Variants in STK11 observed in about 807,000 individuals in gnomAD.
The protein encoded by STK11 is serine/threonine kinase 11, also known as serine/threonine-protein kinase STK11.
STK11 carries 8 observed loss-of-function variants against 47.3 expected under a neutral mutation model. The observed-to-expected ratio is 0.17, with a 90% CI of 0.10 to 0.31. The LOEUF is 0.31. Among genes scored for constraint, STK11 ranks in the 10% least tolerant of loss-of-function variants. STK11 has a pLI of 1.00. For synonymous variants in STK11, 330 were observed against 255.8 expected (o/e 1.29, Z -2.77); for missense variants, 475 against 605.0 (o/e 0.79, Z 2.25).
At position 1,206,833 on chromosome 19, in the gene STK11, A is replaced by G. The variant is rs886054214; in HGVS notation, c.-81A>G. The G allele has an allele frequency of 4.8e-5, 69 of 1,423,820 alleles. No individual in the cohort carries two copies. The highest frequency in any genetic ancestry group is 5.9e-5 in the Non-Finnish European group (64 of 1,078,216). The allele number at this position is 1,423,820 out of a possible 1,614,324, so 88.2% of individuals were successfully genotyped here. A position where few individuals can be genotyped will look rare whatever the true frequency, so the allele number is the denominator to read the frequency against. Reference sequence around the variant, plus strand: ...CTTTTTTCTTTGTAAAATTTTGGAGAAGGGAAGTCGGAACACAAGGAAGGA... The same window carrying G: ...CTTTTTTCTTTGTAAAATTTTGGAGGAGGGAAGTCGGAACACAAGGAAGGA... On this transcript the variant is annotated 5_prime_UTR_variant, in exon 1 of 10. Transcript: ENST00000326873.
In STK11 at chr19:1,206,288, G is replaced by A. The variant is rs1376888379; in HGVS notation, c.-626G>A. ...GCCTCCCGGACGCCCCCAGCCCCCC[G>A]AACGCTCGCCCGGGCCGGCGGGAGT... On this transcript the variant is annotated 5_prime_UTR_variant, in exon 1 of 10. Transcript: ENST00000326873. 5 of 220,816 alleles carry A rather than the reference G, an allele frequency of 2.3e-5. No homozygotes were observed. The highest frequency in any genetic ancestry group is 1.9e-4 in the East Asian group (3 of 15,732). 13.7% of individuals were successfully genotyped at this position (220,816 alleles called of 1,614,324 possible). A position where few individuals can be genotyped will look rare whatever the true frequency, so the allele number is the denominator to read the frequency against.
chr19:1,210,450 C>T (rs923434154), intron 1 of STK11, among the ~76,000 whole-genome samples: 2 of 152,160 alleles, frequency 1.3e-5, no homozygotes, highest in East Asian at 1.9e-4. Flanking sequence ...CAGATGGAGC[C>T]GGCGTGAGTC....
At chr19:1,224,632 G>A in intron 8 of STK11, 1 of 985,648 alleles carries the variant, frequency 1.0e-6, no homozygotes, top group Non-Finnish European at 1.2e-6. Context: ...CCAGGACCCG[G>A]CACTGGCTTC....
intron 8 of STK11, chr19:1,223,850 CGTG>C (rs2080803116): frequency 2.0e-6 from 2 of 1,024,262 alleles, no homozygotes; most frequent in East Asian, 1.3e-4. Flanking sequence ...AGGGCTGGGC[CGTG>C]TCATAAAGAG....
intron 1 of STK11, among the ~76,000 whole-genome samples, chr19:1,216,573 C>T (rs988292514): frequency 1.3e-5 from 2 of 148,944 alleles, no homozygotes; most frequent in Non-Finnish European, 3.0e-5. Flanking sequence ...AGTGAGACTC[C>T]GTCTCCAAAA....
At chr19:1,207,265 C>G (rs956879114) in intron 1 of STK11, 62 bp downstream of exon 1, 1 of 1,524,110 alleles carries the variant, frequency 6.6e-7, no homozygotes, top group Non-Finnish European at 8.9e-7. Flanking sequence ...ATGGTTCTGT[C>G]TTCCTTCCTT....
chr19:1,213,786 C>G (rs1048712825), intron 1 of STK11, among the ~76,000 whole-genome samples: 1 of 152,202 alleles, frequency 6.6e-6, no homozygotes, highest in Non-Finnish European at 1.5e-5. Context: ...TCAGCCACAT[C>G]AGGAGGGATT....
Position 1,226,493 on chromosome 19 carries a change from G to A in STK11, c.1148G>A (p.Arg383His), listed in dbSNP as rs730881990. Residue 383 changes from arginine to histidine, a missense_variant, in exon 9 of 10, where the codon CGC (arginine) becomes CAC (histidine). Physicochemically the swap from Arg to His is conservative, Grantham distance 29. Around this residue, in one of 5 missense-constraint regions of STK11, gnomAD observed 219 missense variants for 189.2 expected, o/e 1.16. Transcript: ENST00000326873. Reference sequence around the variant, plus strand: ...GAGGAGGCCAGTCACAATGGACAGCGCCGGGGCCTCCCCAAGGCCGTGTGT... The same window carrying A: ...GAGGAGGCCAGTCACAATGGACAGCACCGGGGCCTCCCCAAGGCCGTGTGT... ...PEEEASHNGQ[R>H]RGLPKAVCMN... 8 of 1,611,102 alleles carry A rather than the reference G, an allele frequency of 5.0e-6. No individual in the cohort carries two copies. The highest frequency in any genetic ancestry group is 1.3e-5 in the African/African-American group (1 of 74,894).
chr19:1,222,403 G>C (rs1277851557), intron 7 of STK11, among the ~76,000 whole-genome samples: 1 of 152,214 alleles, frequency 6.6e-6, no homozygotes, highest in Non-Finnish European at 1.5e-5. Flanking sequence ...CAGAGCAGCG[G>C]ACGGGGTCAG....
chr19:1,222,866 C>T (rs560722148), intron 7 of STK11, 119 bp from the exon 8 acceptor site: 13 of 1,217,312 alleles, frequency 1.1e-5, no homozygotes, highest in South Asian at 1.6e-5. Flanking sequence ...ACCCCTTGCA[C>T]GGCCTGGTCC....
At position 1,226,669 on chromosome 19, in the gene STK11, G is replaced by A. The variant is rs2145436787; in HGVS notation, c.*16+6G>A. On this transcript the variant is annotated splice_donor_region_variant and intron_variant, in intron 9 of 9. Transcript: ENST00000326873. The stretch of plus-strand genomic sequence containing the variant: ...GTGAGGCTGGCCGCCTGCAGGTGGG[G>A]CGCGGCGGGGCCCGGGTGGGGCATG... 1.3e-6 allele frequency: 2 copies of A among 1,492,232 alleles called. No individual in the cohort carries two copies. The highest frequency in any genetic ancestry group is 8.9e-7 in the Non-Finnish European group (1 of 1,125,306). The allele number at this position is 1,492,232 out of a possible 1,614,324, so 92.4% of individuals were successfully genotyped here.
At chr19:1,225,214 G>A in intron 8 of STK11, 3 of 985,470 alleles carry the variant, frequency 3.0e-6, no homozygotes, top group Non-Finnish European at 3.6e-6. Flanking sequence ...ACCAGAGACG[G>A]GCTGGGCCCA....
At chr19:1,218,280 T>G in intron 1 of STK11, 137 bp from the exon 2 acceptor site, 3 of 756,188 alleles carry the variant, frequency 4.0e-6, no homozygotes, top group Non-Finnish European at 6.9e-6. Flanking sequence ...CCCACAGCAC[T>G]GTGAACTCAC....
At chr19:1,225,231 G>A in intron 8 of STK11, 1 of 985,410 alleles carries the variant, frequency 1.0e-6, no homozygotes, top group African/African-American at 1.7e-5. Flanking sequence ...CCCAAGCTCA[G>A]ACCTATGGGT....
intron 1 of STK11, chr19:1,216,266 AG>A (rs2080744088): frequency 5.9e-6 from 1 of 170,282 alleles, no homozygotes; most frequent in Admixed American, 6.4e-5. Flanking sequence ...CCCCTCCACC[AG>A]CTCCTGGCCA....
chr19:1,227,552 G>A, intron 9 of STK11, 41 bp from the exon 10 acceptor site: 2 of 1,062,888 alleles, frequency 1.9e-6, no homozygotes, highest in Non-Finnish European at 1.1e-6. Flanking sequence ...CGGAGAACCG[G>A]TGCCCAGGCT....
chr19:1,225,856 C>G lies in STK11; in HGVS notation c.1109-598C>G, dbSNP rs962365202. Reference sequence around the variant, plus strand: ...GCACTTTCCCCTGCCATTGTGAGAACAGTGTCCACCTGGGCAGGGTGGGCA... The same window carrying G: ...GCACTTTCCCCTGCCATTGTGAGAAGAGTGTCCACCTGGGCAGGGTGGGCA... On this transcript the variant is annotated intron_variant, in intron 8 of 9. Transcript: ENST00000326873. 4.1e-6 allele frequency: 4 copies of G among 986,312 alleles called. No individual in the cohort carries two copies. The African/African-American group carries it at 7.0e-5, about 17-fold the overall frequency. The allele number at this position is 986,312 out of a possible 1,614,324, so 61.1% of individuals were successfully genotyped here.
At chr19:1,225,353 A>G (rs2145434292) in intron 8 of STK11, 1 of 917,832 alleles carries the variant, frequency 1.1e-6, no homozygotes, top group South Asian at 5.0e-5. Context: ...GCTCACTGCA[A>G]CCTCCACCTC....
rs1356762205 is a variant in STK11, at chr19:1,221,317, C to T, written c.839C>T (p.Pro280Leu). 1.2e-6 allele frequency: 2 copies of T among 1,609,902 alleles called. No homozygotes were observed. The highest frequency in any genetic ancestry group is 2.7e-5 in the African/African-American group (2 of 74,910). Residue 280 changes from proline (P) to leucine (L), a missense_variant, in exon 6 of 10, where the codon CCC (proline) becomes CTC (leucine). Physicochemically the swap from Pro to Leu is moderately conservative, Grantham distance 98. Coordinates refer to ENST00000326873, the MANE Select transcript of STK11 (RefSeq NM_000455.5). The part of the protein sequence containing the change: ...GSYAIPGDCG[P>L]PLSDLLKGML... ...TACGCCATCCCGGGCGACTGTGGCC[C>T]CCCGCTCTCTGACCTGCTGAAAGGT...
Sources: gnomAD v4.1 joint callset for allele counts (sites outside exome capture counted in the v4.1 genomes callset) on GRCh38, gnomAD v4.1.1 for gene constraint, gnomAD v4.1.1 regional missense constraint, MANE v1.5 for transcripts, NCBI Gene and HGNC (gene_info 2026-07-23, HGNC 2026-07-21) for gene names.